TUSC3: variants seen among roughly 807,000 people sequenced by gnomAD.
TUSC3 encodes tumor suppressor candidate 3.
TUSC3 carries 45 observed loss-of-function variants against 44.8 expected under a neutral mutation model. That is an observed-to-expected ratio of 1.00 (90% CI 0.79 to 1.29). The LOEUF (loss-of-function observed/expected upper bound fraction) is 1.29, where lower values mean the gene tolerates loss of function less well. Ranked by LOEUF, TUSC3 falls within the 50% of genes most tolerant of loss-of-function variation. The pLI, the probability that TUSC3 is intolerant of heterozygous loss-of-function variation, is 0.00. For synonymous variants in TUSC3, 212 were observed against 152.9 expected (o/e 1.39, Z -2.85); for missense variants, 519 against 437.9 (o/e 1.19, Z -1.65).
chr8:15,701,214 C>T (rs1809390926), intron 6 of TUSC3, among the ~76,000 whole-genome samples: 1 of 151,908 alleles, frequency 6.6e-6, no homozygotes, highest in Non-Finnish European at 1.5e-5. Context: ...AATGTAAAAC[C>T]TTTTTATTCC....
At chr8:15,642,795 A>G (rs1806437724) in intron 2 of TUSC3, among the ~76,000 whole-genome samples, 2 of 151,838 alleles carry the variant, frequency 1.3e-5, no homozygotes, top group African/African-American at 4.8e-5. Context: ...TGTTTTTATT[A>G]TTTAAGATTA....
rs186769666 is a variant in TUSC3, at chr8:15,435,686, A to G, written n.91+18381A>G. Among the ~76,000 whole-genome samples the G allele has an allele frequency of 3.3e-5, 5 of 152,330 alleles. No homozygotes were observed. In the East Asian group the frequency reaches 9.7e-4, roughly 29 times the overall value. ...CTTTTTAGCAGGTTGACTTAGAGGA[A>G]TAAAAATCTCACCTTACATTTGAGC... On this transcript the variant is annotated intron_variant and non_coding_transcript_variant, in intron 1 of 5. Coordinates refer to the TUSC3 transcript ENST00000503191.
rs28412136 is a variant in TUSC3, at chr8:15,647,508, G to C, written c.309-3189G>C. Among the ~76,000 whole-genome samples the C allele has an allele frequency of 8.9e-3, 1,348 of 152,150 alleles. 22 individuals are homozygous for C. Among genetic ancestry groups the C allele is most frequent in the African/African-American group, 0.031 (1,271 of 41,508 alleles). On this transcript the variant is annotated intron_variant, in intron 2 of 10. Transcript: ENST00000503731. ...TAGAATCTATTCTTTTCATCTCGAA[G>C]TCTAAAATTCCTGTTCTAGTTTGTA...
chr8:15,433,294 A>T (rs1292650364), intron 1 of TUSC3, among the ~76,000 whole-genome samples: 1 of 152,168 alleles, frequency 6.6e-6, no homozygotes, highest in Non-Finnish European at 1.5e-5. Flanking sequence ...GGTCAGATTG[A>T]GGCCACACCA....
chr8:15,747,525 G>C (rs945307566), intron 8 of TUSC3, among the ~76,000 whole-genome samples: 1 of 151,940 alleles, frequency 6.6e-6, no homozygotes, highest in South Asian at 2.1e-4. Context: ...TTATAAGCAT[G>C]TTTAGATTGT....
chr8:15,639,564 C>T (rs890459682), intron 2 of TUSC3, among the ~76,000 whole-genome samples: 3 of 152,076 alleles, frequency 2.0e-5, no homozygotes, highest in Non-Finnish European at 4.4e-5. Flanking sequence ...TGCTTTTAAG[C>T]ATTTAAAGAT....
In TUSC3 at chr8:15,434,492, C is replaced by G. The variant is rs114206588; in HGVS notation, n.91+17187C>G. ...TGGGACTAGTTGTTTTATTCACTAACCTGAAATATTCTATGTGCTCAAATT... is the reference window on the plus strand; with the variant it reads ...TGGGACTAGTTGTTTTATTCACTAAGCTGAAATATTCTATGTGCTCAAATT... On this transcript the variant is annotated intron_variant and non_coding_transcript_variant, in intron 1 of 5. Transcript: ENST00000503191. 6.8e-3 allele frequency among the ~76,000 whole-genome samples: 1,011 copies of G among 149,500 alleles called. 9 individuals are homozygous for G. The highest frequency in any genetic ancestry group is 0.023 in the African/African-American group (950 of 40,664).
intron 1 of TUSC3, among the ~76,000 whole-genome samples, chr8:15,447,415 A>G (rs2129119645): frequency 6.6e-6 from 1 of 152,332 alleles, no homozygotes; most frequent in East Asian, 1.9e-4. Flanking sequence ...AATGGAGATT[A>G]AAGACACAAG....
At chr8:15,573,071 TG>T (rs1177630582) in intron 1 of TUSC3, among the ~76,000 whole-genome samples, 1 of 151,726 alleles carries the variant, frequency 6.6e-6, no homozygotes, top group Non-Finnish European at 1.5e-5. Context: ...ACCTTCAATT[TG>T]TAAAAAATGC....
intron 2 of TUSC3, among the ~76,000 whole-genome samples, chr8:15,636,569 C>T (rs562906924): frequency 2.6e-4 from 40 of 152,236 alleles, no homozygotes; most frequent in African/African-American, 8.9e-4. Flanking sequence ...CTCATGTTGC[C>T]GTAGGCATTA....
intron 6 of TUSC3, among the ~76,000 whole-genome samples, chr8:15,728,280 GC>G (rs1264017381): frequency 2.6e-5 from 4 of 152,102 alleles, no homozygotes; most frequent in Non-Finnish European, 4.4e-5. Context: ...AATAAAGGAG[GC>G]TATTGCAATC....
At chr8:15,525,488 CAGTTTT>C (rs1293390510) in intron 2 of TUSC3, among the ~76,000 whole-genome samples, 1 of 152,176 alleles carries the variant, frequency 6.6e-6, no homozygotes, top group Non-Finnish European at 1.5e-5. Flanking sequence ...TCAATGTTCT[CAGTTTT>C]AATGTATAAT....
chr8:15,778,907 CTTCT>C, the TUSC3 span, among the ~76,000 whole-genome samples: 1 of 152,060 alleles, frequency 6.6e-6, no homozygotes, highest in African/African-American at 2.4e-5. Context: ...GTTTTCTGTC[CTTCT>C]GAGTTTACGT....
intron 10 of TUSC3, among the ~76,000 whole-genome samples, chr8:15,763,029 C>A (rs1812219061): frequency 6.6e-6 from 1 of 152,012 alleles, no homozygotes; most frequent in Non-Finnish European, 1.5e-5. Flanking sequence ...TTAACAATTT[C>A]TCAGAAACAG....
chr8:15,532,856 G>C (rs1323960104), intron 2 of TUSC3, among the ~76,000 whole-genome samples: 4 of 152,110 alleles, frequency 2.6e-5, no homozygotes, highest in Non-Finnish European at 4.4e-5. Context: ...GCAATGGCAC[G>C]ATCTCCGCTC....
At chr8:15,591,597 A>C (rs1803840672) in intron 1 of TUSC3, among the ~76,000 whole-genome samples, 1 of 152,228 alleles carries the variant, frequency 6.6e-6, no homozygotes, top group South Asian at 2.1e-4. Context: ...AAGTGCTGTT[A>C]AAGGAAAATA....
chr8:15,595,265 C>T (rs577531027), intron 1 of TUSC3, among the ~76,000 whole-genome samples: 19 of 152,284 alleles, frequency 1.2e-4, no homozygotes, highest in African/African-American at 4.6e-4. Flanking sequence ...GATCAGCACT[C>T]AGCTGAATAT....
intron 6 of TUSC3, among the ~76,000 whole-genome samples, chr8:15,676,471 T>C (rs1160019101): frequency 6.6e-6 from 1 of 152,220 alleles, no homozygotes; most frequent in Admixed American, 6.5e-5. Flanking sequence ...AGCCTTTTAG[T>C]TTAATTAGGT....
chr8:15,743,486 T>C (rs1270438557), intron 7 of TUSC3, 52 bp from the exon 8 acceptor site: 2 of 1,584,630 alleles, frequency 1.3e-6, no homozygotes, highest in South Asian at 2.2e-5. Context: ...CCAGAAAAAT[T>C]AATAGATTTT....
Sources: allele counts gnomAD v4.1 joint callset (sites outside exome capture counted in the v4.1 genomes callset), GRCh38; gene constraint gnomAD v4.1.1; transcripts MANE v1.5; gene names NCBI Gene and HGNC (gene_info 2026-07-23, HGNC 2026-07-21).